Variants in DRG1 observed in about 807,000 individuals in gnomAD.
DRG1 encodes the protein developmentally-regulated GTP-binding protein 1.
A neutral mutation model predicts 38.8 loss-of-function variants in DRG1; 19 were observed. That is an observed-to-expected ratio of 0.49 (90% CI 0.34 to 0.72). The LOEUF (loss-of-function observed/expected upper bound fraction) is 0.72. Among genes scored for constraint, DRG1 ranks in the 30% least tolerant of loss-of-function variants. The probability of loss-of-function intolerance (pLI) is 0.01; values close to 1 mark genes in which losing one functional copy is unlikely to be tolerated. For synonymous variants in DRG1, 167 were observed against 157.5 expected, an observed-to-expected ratio of 1.06 and a Z score of -0.45; for missense variants, 299 against 444.8, an observed-to-expected ratio of 0.67 and a Z score of 2.95.
intron 3 of DRG1, among the ~76,000 whole-genome samples, chr22:31,404,384 G>A (rs2049978639): frequency 6.6e-6 from 1 of 151,324 alleles, no homozygotes; most frequent in Non-Finnish European, 1.5e-5. Flanking sequence ...GGGACTACAG[G>A]CACGCACCCC....
At chr22:31,414,654 C>CT (rs1052376899) in intron 4 of DRG1, among the ~76,000 whole-genome samples, 1 of 151,880 alleles carries the variant, frequency 6.6e-6, no homozygotes, top group African/African-American at 2.4e-5. Context: ...GCCAGCCACT[C>CT]TTTTTTTCCC....
chr22:31,434,398 A>G lies in DRG1; in HGVS notation c.*427A>G, dbSNP rs780820405. ...AGTCCTTTCAAGTAGTCTTTCCCAC[A>G]TGATACTGGAGAGAGGAAGGACTTT... On this transcript the variant is annotated 3_prime_UTR_variant, in exon 9 of 9. Transcript: ENST00000331457. 5.6e-6 allele frequency: 1 copy of G among 179,810 alleles called. No homozygotes were observed. Among genetic ancestry groups the G allele is most frequent in the East Asian group, 1.7e-4 (1 of 5,970 alleles). 11.1% of individuals were successfully genotyped at this position (179,810 alleles called of 1,614,324 possible).
At chr22:31,427,253 G>A in intron 8 of DRG1, 71 bp downstream of exon 8, 5 of 1,549,690 alleles carry the variant, frequency 3.2e-6, no homozygotes, top group Non-Finnish European at 4.4e-6. Flanking sequence ...GTAATTCTTA[G>A]GATAGCATTT....
At chr22:31,427,451 T>C (rs2050116894) in intron 8 of DRG1, among the ~76,000 whole-genome samples, 1 of 152,156 alleles carries the variant, frequency 6.6e-6, no homozygotes, top group Admixed American at 6.6e-5. Flanking sequence ...AACACAAATA[T>C]TAATAATTCC....
intron 8 of DRG1, among the ~76,000 whole-genome samples, chr22:31,429,141 C>T (rs1005548531): frequency 6.6e-6 from 1 of 151,984 alleles, no homozygotes; most frequent in African/African-American, 2.4e-5. Context: ...ACATTTATGG[C>T]TATGGTGTTT....
chr22:31,425,189 A>G (rs1458541824), intron 6 of DRG1, among the ~76,000 whole-genome samples: 2 of 151,886 alleles, frequency 1.3e-5, no homozygotes, highest in Non-Finnish European at 2.9e-5. Flanking sequence ...CATATTCCCC[A>G]TTTCAGTTTT....
At chr22:31,410,935 A>G in intron 3 of DRG1, 77 bp from the exon 4 acceptor site, 1 of 1,473,752 alleles carries the variant, frequency 6.8e-7, no homozygotes. Flanking sequence ...TTGAGAAATA[A>G]ATTAATTCTG....
intron 8 of DRG1, among the ~76,000 whole-genome samples, chr22:31,429,488 T>G (rs1369967525): frequency 2.0e-5 from 3 of 152,148 alleles, no homozygotes; most frequent in African/African-American, 7.2e-5. Flanking sequence ...GTGTTAGAGC[T>G]ACCACTTCTT....
chr22:31,408,948 T>C (rs556504505), intron 3 of DRG1, among the ~76,000 whole-genome samples: 6 of 152,218 alleles, frequency 3.9e-5, no homozygotes, highest in South Asian at 4.2e-4. Context: ...TTTGCTGAGA[T>C]GTAAATTTGA....
intron 4 of DRG1, among the ~76,000 whole-genome samples, chr22:31,416,282 A>G (rs1201762151): frequency 6.6e-6 from 1 of 152,138 alleles, no homozygotes; most frequent in Non-Finnish European, 1.5e-5. Flanking sequence ...GTCTCAAGAA[A>G]GCAAACAAAA....
chr22:31,417,730 C>T (rs2050052609), intron 4 of DRG1, among the ~76,000 whole-genome samples: 1 of 151,950 alleles, frequency 6.6e-6, no homozygotes, highest in South Asian at 2.1e-4. Context: ...GTGGTACATG[C>T]ATGTAATCCC....
chr22:31,413,608 G>GTT (rs2050029332), intron 4 of DRG1, among the ~76,000 whole-genome samples: 3 of 115,106 alleles, frequency 2.6e-5, no homozygotes, highest in African/African-American at 3.4e-5. Flanking sequence ...ACCTATTGTG[G>GTT]GTTTTTTTTT....
At chr22:31,412,107 C>G (rs1186977328) in intron 4 of DRG1, among the ~76,000 whole-genome samples, 3 of 151,328 alleles carry the variant, frequency 2.0e-5, no homozygotes, top group Non-Finnish European at 4.4e-5. Context: ...CTGGCTAACA[C>G]AGTGAAACCC....
rs185054541 is a variant in DRG1 at position 31,421,775 on chromosome 22, T to G, written c.582+1350T>G. On this transcript the variant is annotated intron_variant, in intron 5 of 8. Coordinates refer to ENST00000331457, the MANE Select transcript of DRG1 (RefSeq NM_004147.4). ...ATATAAATTTGGTGATTATCAACTT[T>G]AATGTCATGGGCCTAACTGAGATCA... is the stretch of plus-strand genomic sequence containing the variant. Among the ~76,000 whole-genome samples, 603 of 152,202 alleles carry G rather than the reference T, an allele frequency of 4.0e-3. 2 individuals are homozygous for G. Among genetic ancestry groups the G allele is most frequent in the Non-Finnish European group, 6.9e-3 (472 of 68,008 alleles).
intron 4 of DRG1, among the ~76,000 whole-genome samples, chr22:31,418,297 AAAAG>A (rs2050055442): frequency 6.6e-6 from 1 of 152,036 alleles, no homozygotes. Flanking sequence ...AAAATTAAAA[AAAAG>A]AAAAAAATAG....
At chr22:31,423,506 T>C (rs2050089061) in intron 6 of DRG1, 96 bp downstream of exon 6, 1 of 1,347,562 alleles carries the variant, frequency 7.4e-7, no homozygotes, top group African/African-American at 1.5e-5. Context: ...TTATCTTAAT[T>C]CCAGTTGTCC....
chr22:31,431,035 C>CGGT (rs2050136481), intron 8 of DRG1, among the ~76,000 whole-genome samples: 3 of 56,762 alleles, frequency 5.3e-5, no homozygotes, highest in Non-Finnish European at 9.6e-5. Flanking sequence ...CCCCCCCCCG[C>CGGT]TTTTTTTTTT....
intron 1 of DRG1, 59 bp downstream of exon 1, chr22:31,399,784 G>C (rs1307838705): frequency 6.2e-7 from 1 of 1,611,498 alleles, no homozygotes; most frequent in African/African-American, 1.3e-5. Flanking sequence ...TGGTGGCGTC[G>C]CTCCTTCCTG....
At chr22:31,419,996 T>C (rs1442958110) in intron 4 of DRG1, among the ~76,000 whole-genome samples, 1 of 152,182 alleles carries the variant, frequency 6.6e-6, no homozygotes, top group Non-Finnish European at 1.5e-5. Flanking sequence ...TAAGCCAAGA[T>C]TGTGCCACTG....
Sources: allele counts gnomAD v4.1 joint callset (sites outside exome capture counted in the v4.1 genomes callset), GRCh38; gene constraint gnomAD v4.1.1; transcripts MANE v1.5; gene names NCBI Gene and HGNC (gene_info 2026-07-23, HGNC 2026-07-21).